The following SP4 variants were observed in gnomAD, a reference collection of about 807,000 sequenced individuals.
The protein encoded by SP4 is transcription factor Sp4.
Under a neutral mutation model 72.8 loss-of-function variants are expected in SP4, and 19 were observed. The observed-to-expected ratio is 0.26, with a 90% CI of 0.18 to 0.38. The LOEUF is 0.38. Ranked by LOEUF, SP4 falls within the 10% of genes least tolerant of loss-of-function variation. The pLI is 1.00. For missense variants in SP4, 1,008 were observed against 926.3 expected, an observed-to-expected ratio of 1.09 and a Z score of -1.14; for synonymous variants, 395 against 333.1, an observed-to-expected ratio of 1.19 and a Z score of -2.02.
intron 5 of SP4, among the ~76,000 whole-genome samples, chr7:21,508,280 T>TGGAGACAC (rs375664516): frequency 3.8e-4 from 58 of 152,286 alleles, no homozygotes; most frequent in African/African-American, 1.4e-3. Context: ...AGAATGGACT[T>TGGAGACAC]GGAGACACAA....
At chr7:21,434,181 T>A (rs531313430) in intron 3 of SP4, among the ~76,000 whole-genome samples, 1 of 152,300 alleles carries the variant, frequency 6.6e-6, no homozygotes, top group South Asian at 2.1e-4. Context: ...CTCGAAATTT[T>A]TATGAGAAGC....
chr7:21,429,806 C>G lies in SP4; in HGVS notation c.641C>G (p.Thr214Arg), dbSNP rs1449637955. ...GCTATACTCACAGCTGCTAACAGGA[C>G]AGCTTCTGGGAATATTCTTGCTCAA... ...NQAILTAANR[T>R]ASGNILAQNL... The change falls in exon 3 of 6, where the codon ACA (threonine) becomes AGA (arginine). Residue 214 changes from threonine to arginine, a missense_variant. Physicochemically the swap from Thr to Arg is moderately conservative, Grantham distance 71. Coordinates refer to ENST00000222584, the MANE Select transcript of SP4 (RefSeq NM_003112.5). 6.2e-7 allele frequency: 1 copy of G among 1,614,208 alleles called. No individual in the cohort carries two copies. Among genetic ancestry groups the G allele is most frequent in the Non-Finnish European group, 8.5e-7 (1 of 1,180,028 alleles).
chr7:21,465,110 TAGTTGAC>T (rs1784127814), intron 3 of SP4, among the ~76,000 whole-genome samples: 1 of 152,208 alleles, frequency 6.6e-6, no homozygotes, highest in South Asian at 2.1e-4. Flanking sequence ...GAGTTGAGAA[TAGTTGAC>T]AGTTATCTGG....
At chr7:21,453,664 T>C (rs993461624) in intron 3 of SP4, among the ~76,000 whole-genome samples, 1 of 152,234 alleles carries the variant, frequency 6.6e-6, no homozygotes, top group African/African-American at 2.4e-5. Context: ...ATCTATTCAA[T>C]CTTAATCAGT....
chr7:21,460,262 A>T (rs2128401701), intron 3 of SP4, among the ~76,000 whole-genome samples: 1 of 152,210 alleles, frequency 6.6e-6, no homozygotes, highest in Admixed American at 6.5e-5. Flanking sequence ...GTTCCTTCTG[A>T]TGTGGGGATG....
chr7:21,510,924 C>T, intron 5 of SP4, 98 bp from the exon 6 acceptor site: 2 of 1,225,598 alleles, frequency 1.6e-6, no homozygotes, highest in Admixed American at 2.5e-5. Context: ...TGAAACTGTA[C>T]AAAAAGTCAT....
At chr7:21,498,902 G>A (rs916525543) in intron 5 of SP4, among the ~76,000 whole-genome samples, 9 of 151,948 alleles carry the variant, frequency 5.9e-5, no homozygotes, top group Middle Eastern at 3.4e-3. Context: ...TGGCTAACAC[G>A]GTGAAACCCT....
At chr7:21,462,809 T>A (rs28385440) in intron 3 of SP4, among the ~76,000 whole-genome samples, 3,254 of 152,272 alleles carry the variant, frequency 0.021, 121 homozygotes, top group African/African-American at 0.073. Flanking sequence ...GGGTAGTATG[T>A]CAGCAGCTAA....
rs1377995090 is a variant in SP4, at chr7:21,431,520, TTAATG to T, written c.1678+681_1678+685del. ...TGGTCATTGTGTGATTTGTAGATGT[TTAATG>T]TAAGGTTGGTGGAAAGCAATGAAAA... On this transcript the variant is annotated intron_variant, in intron 3 of 5. Transcript: ENST00000222584. Among the ~76,000 whole-genome samples, 13 of 152,354 alleles carry T rather than the reference TTAATG, an allele frequency of 8.5e-5. No individual in the cohort carries two copies. The East Asian group carries it at 2.3e-3, about 27-fold the overall frequency.
rs1374768050 is a variant in SP4 at position 21,430,025 on chromosome 7, C to G, written c.860C>G (p.Ala287Gly). ...GGGACTGGGCAGGTTGGCCAGCCTG[C>G]TGCTACTGCTGATAGTGGGACTTCC... The part of the protein sequence containing the change: ...GGGTGQVGQP[A>G]ATADSGTSNG... The change falls in exon 3 of 6, where the codon GCT becomes GGT. Residue 287 changes from alanine (A) to glycine (G), a missense_variant. Ala to Gly is a moderately conservative substitution (Grantham distance 60). This residue lies in a region of SP4 where 893 missense variants were observed against 743.3 expected (regional missense o/e 1.20). Coordinates refer to ENST00000222584, the MANE Select transcript of SP4 (RefSeq NM_003112.5). 1.2e-6 allele frequency: 2 copies of G among 1,614,194 alleles called. No individual in the cohort carries two copies. Among genetic ancestry groups the G allele is most frequent in the African/African-American group, 1.3e-5 (1 of 75,048 alleles).
chr7:21,449,118 C>T (rs984466245), intron 3 of SP4, among the ~76,000 whole-genome samples: 1 of 152,176 alleles, frequency 6.6e-6, no homozygotes, highest in Non-Finnish European at 1.5e-5. Flanking sequence ...TAATCACCCC[C>T]CAGGGCGAGG....
chr7:21,504,686 A>AT, intron 5 of SP4, among the ~76,000 whole-genome samples: 2 of 152,186 alleles, frequency 1.3e-5, no homozygotes, highest in East Asian at 1.9e-4. Flanking sequence ...CAAGCAAATA[A>AT]TTTTTTTTCT....
At position 21,477,095 on chromosome 7, in the gene SP4, A is replaced by G. The variant is rs1294398468; in HGVS notation, c.1695A>G (p.Gln565=). 3.7e-6 allele frequency: 6 copies of G among 1,613,724 alleles called. No individual in the cohort carries two copies. Among genetic ancestry groups the G allele is most frequent in the Non-Finnish European group, 5.1e-6 (6 of 1,179,618 alleles). ...ITSVAGQQQG[Q]DGVKVQQATI... Reference sequence around the variant, plus strand: ...CCTTTTTAGGTCAGCAGCAAGGACAAGATGGAGTAAAAGTCCAGCAAGCTA... The same window carrying G: ...CCTTTTTAGGTCAGCAGCAAGGACAGGATGGAGTAAAAGTCCAGCAAGCTA... The change falls in exon 4 of 6, where the codon CAA becomes CAG. Residue 565 remains glutamine, a synonymous_variant. Coordinates refer to ENST00000222584, the MANE Select transcript of SP4 (RefSeq NM_003112.5).
Position 21,428,188 on chromosome 7 carries a change from G to GCCCCCCCCCCCCCCCCCCC in SP4, c.-59_-58insCCCCCCCCCCCCCCCCCCC. On this transcript the variant is annotated 5_prime_UTR_variant, in exon 1 of 6. Coordinates refer to ENST00000222584, the MANE Select transcript of SP4 (RefSeq NM_003112.5). ...CGGGACCGGCCTCTCCTCCCGCCTC[G>GCCCCCCCCCCCCCCCCCCC]CCCCCACCCCCACCCACCTCTATCC... is the stretch of plus-strand genomic sequence containing the variant. 1 of 371,886 alleles carries GCCCCCCCCCCCCCCCCCCC rather than the reference G, an allele frequency of 2.7e-6. No individual in the cohort carries two copies. Among genetic ancestry groups the GCCCCCCCCCCCCCCCCCCC allele is most frequent in the Non-Finnish European group, 5.0e-6 (1 of 198,076 alleles). 23.0% of individuals were successfully genotyped at this position (371,886 alleles called of 1,614,324 possible).
At chr7:21,505,637 A>G (rs1781974323) in intron 5 of SP4, among the ~76,000 whole-genome samples, 1 of 152,190 alleles carries the variant, frequency 6.6e-6, no homozygotes, top group African/African-American at 2.4e-5. Context: ...GATCCACCAC[A>G]TTGAACCACT....
rs1782186338 is a variant in SP4, at chr7:21,512,931, A to T, written c.*1662A>T. 6.6e-6 allele frequency: 1 copy of T among 152,644 alleles called. No individual in the cohort carries two copies. 9.5% of individuals were successfully genotyped at this position (152,644 alleles called of 1,614,324 possible). ...AAAAAAATTGGATTATAAACCAGTA[A>T]CTTAAATATTAATAAGGATATTTTA... On this transcript the variant is annotated 3_prime_UTR_variant, in exon 6 of 6. Coordinates refer to ENST00000222584, the MANE Select transcript of SP4 (RefSeq NM_003112.5).
intron 5 of SP4, among the ~76,000 whole-genome samples, chr7:21,493,169 C>T (rs972373277): frequency 6.7e-6 from 1 of 149,518 alleles, no homozygotes. Context: ...CATTGCACTC[C>T]AGCCTGGACG....
intron 3 of SP4, among the ~76,000 whole-genome samples, chr7:21,432,920 G>A (rs749949397): frequency 6.6e-6 from 1 of 152,152 alleles, no homozygotes; most frequent in Non-Finnish European, 1.5e-5. Context: ...CTTGTACCCG[G>A]GGGATCCAGG....
At chr7:21,502,170 G>A (rs1781887259) in intron 5 of SP4, among the ~76,000 whole-genome samples, 1 of 151,936 alleles carries the variant, frequency 6.6e-6, no homozygotes, top group Non-Finnish European at 1.5e-5. Flanking sequence ...GAAGGGAATG[G>A]CCAACTGGAC....
Sources: gnomAD v4.1 joint callset for allele counts (sites outside exome capture counted in the v4.1 genomes callset) on GRCh38, gnomAD v4.1.1 for gene constraint, gnomAD v4.1.1 regional missense constraint, MANE v1.5 for transcripts, NCBI Gene and HGNC (gene_info 2026-07-23, HGNC 2026-07-21) for gene names.